The following ADRA1A variants were observed in gnomAD, a reference collection of about 807,000 sequenced individuals.
ADRA1A encodes alpha-1A adrenergic receptor.
ADRA1A carries 31 observed loss-of-function variants against 29.6 expected under a neutral mutation model. The ratio of observed to expected loss-of-function variants is 1.05; its 90% CI spans 0.79 to 1.41. The LOEUF is 1.41. Among genes scored for constraint, ADRA1A ranks in the 40% most tolerant of loss-of-function variants. The probability of loss-of-function intolerance (pLI) is 0.00; values close to 1 mark genes in which losing one functional copy is unlikely to be tolerated. For missense variants in ADRA1A, 619 were observed against 601.1 expected (o/e 1.03, Z -0.31); for synonymous variants, 311 against 254.3 (o/e 1.22, Z -2.12).
intron 2 of ADRA1A, chr8:26,756,909 C>T: frequency 1.4e-6 from 2 of 1,410,540 alleles, no homozygotes; most frequent in Middle Eastern, 1.8e-4. Context: ...CCAATGTGTC[C>T]ATTTTTCCAA....
Position 26,821,026 on chromosome 8 carries a change from G to T in ADRA1A, c.883+43061C>A, listed in dbSNP as rs568215994. Among the ~76,000 whole-genome samples the T allele has an allele frequency of 2.0e-5, 3 of 152,028 alleles. No individual in the cohort carries two copies. The highest frequency in any genetic ancestry group is 4.4e-5 in the Non-Finnish European group (3 of 68,012). On this transcript the variant is annotated intron_variant, in intron 2 of 2. Transcript: ENST00000380573. This position sits in a 1 kb window ranked among gnomAD's most constrained non-coding sequence, Gnocchi z 5.6. The stretch of plus-strand genomic sequence containing the variant: ...TGCCTCAGCCTCCTAGAGTAGCTAG[G>T]ATTACAGGCAGGTGCCACCACACCT...
At chr8:26,766,325 A>G (rs1349323877), downstream of ADRA1A, among the ~76,000 whole-genome samples, 1 of 152,238 alleles carries the variant, frequency 6.6e-6, no homozygotes, top group African/African-American at 2.4e-5. Context: ...ACTGCATTTT[A>G]CTGTTCTTGG....
chr8:26,773,513 G>A (rs1415565151), intron 2 of ADRA1A, among the ~76,000 whole-genome samples: 2 of 152,114 alleles, frequency 1.3e-5, no homozygotes, highest in Non-Finnish European at 2.9e-5. Context: ...CTACAAGAAT[G>A]TCTGAGCTGA....
chr8:26,794,518 C>T (rs896851723), intron 2 of ADRA1A, among the ~76,000 whole-genome samples: 6 of 152,112 alleles, frequency 3.9e-5, no homozygotes, highest in Non-Finnish European at 8.8e-5. Flanking sequence ...TTGAATGCAA[C>T]CATAGTCATT....
At position 26,865,115 on chromosome 8, in the gene ADRA1A, G is replaced by C; in HGVS notation, c.-146C>G. Reference sequence around the variant, plus strand: ...GGTTTGGCTGGGGGTGAGAGCGCGCGCGCGGGTGGGAAACAACCCTGGCCA... The same window carrying C: ...GGTTTGGCTGGGGGTGAGAGCGCGCCCGCGGGTGGGAAACAACCCTGGCCA... On this transcript the variant is annotated 5_prime_UTR_variant, in exon 2 of 3. Transcript: ENST00000380573. This position sits in a 1 kb window ranked among gnomAD's most constrained non-coding sequence, Gnocchi z 7.6. 10 of 1,474,944 alleles carry C rather than the reference G, an allele frequency of 6.8e-6. No individual in the cohort carries two copies. The highest frequency in any genetic ancestry group is 2.6e-5 in the Admixed American group (1 of 38,832). 91.4% of individuals were successfully genotyped at this position (1,474,944 alleles called of 1,614,324 possible).
Position 26,815,924 on chromosome 8 carries a change from G to A in ADRA1A, c.884-45258C>T, listed in dbSNP as rs535558854. Among the ~76,000 whole-genome samples the A allele has an allele frequency of 3.0e-3, 450 of 152,310 alleles. No homozygotes were observed. Among genetic ancestry groups the A allele is most frequent in the Non-Finnish European group, 5.3e-3 (360 of 68,030 alleles). On this transcript the variant is annotated intron_variant, in intron 2 of 2. Coordinates refer to ENST00000380573, the MANE Select transcript of ADRA1A (RefSeq NM_000680.4). This position sits in a 1 kb window ranked among gnomAD's most constrained non-coding sequence, Gnocchi z 4.2. ...GAGAAAAGGGAAATGAGACAGGGCAGGATGAGAAGCAAGGGAGGGGGCGTG... is the reference window on the plus strand; with the variant it reads ...GAGAAAAGGGAAATGAGACAGGGCAAGATGAGAAGCAAGGGAGGGGGCGTG...
At chr8:26,832,896 G>T (rs1001490371) in intron 2 of ADRA1A, among the ~76,000 whole-genome samples, 2 of 152,168 alleles carry the variant, frequency 1.3e-5, no homozygotes, top group Non-Finnish European at 2.9e-5. Context: ...GATGTTGGCT[G>T]CCTGCAGGAA....
At position 26,796,714 on chromosome 8, in the gene ADRA1A, G is replaced by A. The variant is rs1808215093; in HGVS notation, c.884-26048C>T. On this transcript the variant is annotated intron_variant, in intron 2 of 2. Transcript: ENST00000380573. This position sits in a 1 kb window ranked among gnomAD's most constrained non-coding sequence, Gnocchi z 5.0. ...GGGTCAGTGTAAAAGTGGATAGAGA[G>A]ATGATTAATTTCGAAAGGGGGGTAC... Among the ~76,000 whole-genome samples the A allele has an allele frequency of 6.6e-6, 1 of 152,058 alleles. No individual in the cohort carries two copies. The highest frequency in any genetic ancestry group is 2.4e-5 in the African/African-American group (1 of 41,412).
In ADRA1A at chr8:26,867,087, A is replaced by C; in HGVS notation, c.-838T>G. 1 of 984,988 alleles carries C rather than the reference A, an allele frequency of 1.0e-6. No individual in the cohort carries two copies. Among genetic ancestry groups the C allele is most frequent in the Non-Finnish European group, 1.2e-6 (1 of 829,836 alleles). 61.0% of individuals were successfully genotyped at this position (984,988 alleles called of 1,614,324 possible). Reference sequence around the variant, plus strand: ...CTTGTCCTTTTGCACCCGCTGACTCACCCCTCCACCACTGATGTCTTTAAG... The same window carrying C: ...CTTGTCCTTTTGCACCCGCTGACTCCCCCCTCCACCACTGATGTCTTTAAG... On this transcript the variant is annotated 5_prime_UTR_variant, in exon 1 of 3. Transcript: ENST00000380573.
At chr8:26,844,247 G>A (rs1812042192) in intron 2 of ADRA1A, among the ~76,000 whole-genome samples, 1 of 152,174 alleles carries the variant, frequency 6.6e-6, no homozygotes, top group Non-Finnish European at 1.5e-5. Flanking sequence ...TTCAGATTGA[G>A]TTCACTGCCA....
intron 2 of ADRA1A, among the ~76,000 whole-genome samples, chr8:26,777,058 C>A (rs999267273): frequency 8.5e-5 from 13 of 152,232 alleles, no homozygotes; most frequent in African/African-American, 3.1e-4. Flanking sequence ...CAAATTAAAC[C>A]CCAGAGACAA....
At chr8:26,751,210 G>A (rs1225247526) in intron 2 of ADRA1A, among the ~76,000 whole-genome samples, 1 of 152,204 alleles carries the variant, frequency 6.6e-6, no homozygotes, top group Admixed American at 6.5e-5. Context: ...TGATACTGCA[G>A]TGCTTTTACT....
At chr8:26,777,842 A>C (rs1222292045) in intron 2 of ADRA1A, among the ~76,000 whole-genome samples, 1 of 152,242 alleles carries the variant, frequency 6.6e-6, no homozygotes, top group Non-Finnish European at 1.5e-5. Context: ...AGACAGGCTC[A>C]GGGCACCCTG....
At chr8:26,832,712 A>T in intron 2 of ADRA1A, among the ~76,000 whole-genome samples, 1 of 152,062 alleles carries the variant, frequency 6.6e-6, no homozygotes, top group East Asian at 1.9e-4. Flanking sequence ...TGGGAAGTAG[A>T]CTCTGAGACG....
At chr8:26,761,500 C>G (rs140451411), downstream of ADRA1A, among the ~76,000 whole-genome samples, 1 of 152,102 alleles carries the variant, frequency 6.6e-6, no homozygotes, top group East Asian at 1.9e-4. Context: ...CCAATAAAAC[C>G]GGTGTCCTTA....
intron 2 of ADRA1A, among the ~76,000 whole-genome samples, chr8:26,774,455 C>G (rs7835532): frequency 0.55 from 82,973 of 152,098 alleles, 24,223 homozygotes; most frequent in East Asian, 0.9. Context: ...GATCACTTGA[C>G]ACCAGGAGTT....
At chr8:26,858,244 C>T (rs576075521) in intron 2 of ADRA1A, among the ~76,000 whole-genome samples, 15 of 152,334 alleles carry the variant, frequency 9.8e-5, no homozygotes, top group African/African-American at 3.1e-4. Flanking sequence ...CCTATAATAA[C>T]GCTGGGTTTT....
At chr8:26,816,533 A>ATGTGTG (rs59536491) in intron 2 of ADRA1A, among the ~76,000 whole-genome samples, 9,752 of 147,528 alleles carry the variant, frequency 0.066, 421 homozygotes, top group Middle Eastern at 0.14. Flanking sequence ...CTCATGGTGT[A>ATGTGTG]TGTGTGTGTG....
chr8:26,780,884 C>G (rs1222271976), intron 2 of ADRA1A, among the ~76,000 whole-genome samples: 1 of 152,232 alleles, frequency 6.6e-6, no homozygotes, highest in Non-Finnish European at 1.5e-5. Flanking sequence ...TGATCTGTTG[C>G]TGTCTCCATC....
Sources: allele counts gnomAD v4.1 joint callset (sites outside exome capture counted in the v4.1 genomes callset), GRCh38; gene constraint gnomAD v4.1.1; non-coding constraint Gnocchi (gnomAD v3.1); transcripts MANE v1.5; gene names NCBI Gene and HGNC (gene_info 2026-07-23, HGNC 2026-07-21).